EPHA6: variants seen among roughly 807,000 people sequenced by gnomAD.
EPHA6 encodes ephrin type-A receptor 6.
Under a neutral mutation model 112.0 loss-of-function variants are expected in EPHA6, and 50 were observed. That is an observed-to-expected ratio of 0.45 (90% CI 0.36 to 0.56). The LOEUF (loss-of-function observed/expected upper bound fraction) is 0.56, where lower values mean the gene tolerates loss of function less well. EPHA6 is among the 20% of genes least tolerant of loss of function. The pLI is 0.00. For missense variants in EPHA6, 1,280 were observed against 1,417.4 expected (o/e 0.90, Z 1.56); for synonymous variants, 529 against 490.7 (o/e 1.08, Z -1.03).
At chr3:96,940,945 G>A (rs1655859268) in intron 2 of EPHA6, among the ~76,000 whole-genome samples, 1 of 152,204 alleles carries the variant, frequency 6.6e-6, no homozygotes, top group Non-Finnish European at 1.5e-5. Context: ...CTTCTGGCTT[G>A]TAGAGTTTCT....
chr3:97,177,960 T>C (rs1486024064), intron 3 of EPHA6, among the ~76,000 whole-genome samples: 1 of 152,052 alleles, frequency 6.6e-6, no homozygotes, highest in African/African-American at 2.4e-5. Context: ...ATGTTATTAT[T>C]GATAAGTAAG....
At chr3:97,105,321 G>C (rs905875418) in intron 3 of EPHA6, among the ~76,000 whole-genome samples, 4 of 151,790 alleles carry the variant, frequency 2.6e-5, no homozygotes, top group African/African-American at 9.7e-5. Flanking sequence ...CACTGTCTTA[G>C]CTGTGTCACA....
intron 11 of EPHA6, among the ~76,000 whole-genome samples, chr3:97,591,877 T>C (rs1315263876): frequency 2.6e-5 from 4 of 152,184 alleles, no homozygotes. Context: ...TCTCAGTTTG[T>C]TGGTCTAAAA....
rs1339535959 is a variant in EPHA6 at position 97,695,548 on chromosome 3, CTTTA to C, written c.2785-24704_2785-24701del. ...ATAAATCTACAGTCTACAGGTGACA[CTTTA>C]TTTATTTAAGACGGAGTCTCGCTCT... On this transcript the variant is annotated intron_variant, in intron 14 of 17. Transcript: ENST00000389672. 6.6e-5 allele frequency among the ~76,000 whole-genome samples: 10 copies of C among 152,256 alleles called. No homozygotes were observed. In the South Asian group the frequency reaches 1.2e-3, roughly 19 times the overall value.
chr3:97,124,404 A>G (rs757920168), intron 3 of EPHA6, among the ~76,000 whole-genome samples: 3 of 151,912 alleles, frequency 2.0e-5, no homozygotes, highest in Admixed American at 6.6e-5. Context: ...GTTGTGATCA[A>G]TTTTGGCCAT....
At chr3:97,254,956 G>C (rs1225361297) in intron 5 of EPHA6, among the ~76,000 whole-genome samples, 1 of 152,160 alleles carries the variant, frequency 6.6e-6, no homozygotes, top group African/African-American at 2.4e-5. Context: ...GAACATTCTA[G>C]TTAGAGCATT....
At chr3:97,516,901 C>T (rs1367907140) in intron 10 of EPHA6, among the ~76,000 whole-genome samples, 1 of 151,938 alleles carries the variant, frequency 6.6e-6, no homozygotes, top group Admixed American at 6.6e-5. Flanking sequence ...GTTGTTTTCC[C>T]CCCTCATTCA....
At chr3:96,877,452 G>A (rs773365762) in intron 2 of EPHA6, among the ~76,000 whole-genome samples, 7 of 151,914 alleles carry the variant, frequency 4.6e-5, no homozygotes, top group East Asian at 3.9e-4. Context: ...ATTAATGACC[G>A]GTTTAGAACA....
chr3:97,209,502 G>A (rs1342573937), intron 3 of EPHA6, among the ~76,000 whole-genome samples: 1 of 152,076 alleles, frequency 6.6e-6, no homozygotes, highest in Non-Finnish European at 1.5e-5. Flanking sequence ...CTTTTTGTAA[G>A]ACTTAAATAG....
chr3:97,686,556 C>G (rs2032267051), intron 14 of EPHA6, among the ~76,000 whole-genome samples: 1 of 152,180 alleles, frequency 6.6e-6, no homozygotes, highest in Admixed American at 6.5e-5. Flanking sequence ...AGTGCAGGAC[C>G]AGACTGTAAT....
chr3:97,541,311 C>T (rs545229636), intron 11 of EPHA6, among the ~76,000 whole-genome samples: 64 of 152,260 alleles, frequency 4.2e-4, no homozygotes, highest in Admixed American at 9.2e-4. Context: ...AAAAATATTA[C>T]AGTTCTCATA....
At chr3:97,376,829 G>A (rs2085391344) in intron 5 of EPHA6, among the ~76,000 whole-genome samples, 1 of 152,184 alleles carries the variant, frequency 6.6e-6, no homozygotes, top group Non-Finnish European at 1.5e-5. Context: ...GTAAGTAATA[G>A]TTCATGATTT....
At chr3:97,203,586 T>C (rs1340579726) in intron 3 of EPHA6, among the ~76,000 whole-genome samples, 4 of 151,864 alleles carry the variant, frequency 2.6e-5, no homozygotes, top group Non-Finnish European at 5.9e-5. Flanking sequence ...CAGAAAAAAA[T>C]CTAATGAAAT....
chr3:97,702,442 G>A (rs1485754400), intron 14 of EPHA6, among the ~76,000 whole-genome samples: 1 of 152,136 alleles, frequency 6.6e-6, no homozygotes, highest in African/African-American at 2.4e-5. Flanking sequence ...AAATAGATGA[G>A]CACTTAGAAA....
intron 3 of EPHA6, among the ~76,000 whole-genome samples, chr3:97,204,928 A>T (rs1157247469): frequency 6.6e-6 from 1 of 152,144 alleles, no homozygotes; most frequent in East Asian, 1.9e-4. Flanking sequence ...TAAAGGGAGA[A>T]GGGGAGAAAT....
rs2043067774 is a variant in EPHA6 at position 96,987,565 on chromosome 3, C to A, written c.686C>A (p.Ser229Tyr). 6 of 1,613,802 alleles carry A rather than the reference C, an allele frequency of 3.7e-6. No homozygotes were observed. Among genetic ancestry groups the A allele is most frequent in the Non-Finnish European group, 5.1e-6 (6 of 1,179,834 alleles). Residue 229 changes from serine to tyrosine, a missense_variant, in exon 3 of 18, where the codon TCC (serine) becomes TAC (tyrosine). Coordinates refer to ENST00000389672, the MANE Select transcript of EPHA6 (RefSeq NM_001080448.3). ...FNLFYMESDESHGIKFKPNQY... is the reference protein window; with the variant it reads ...FNLFYMESDEYHGIKFKPNQY... ...CTGTTTTATATGGAATCAGATGAGT[C>A]CCACGGAATTAAATTCAAGCCAAAC... is the stretch of plus-strand genomic sequence containing the variant.
chr3:97,708,521 T>G (rs1459369357), intron 14 of EPHA6, among the ~76,000 whole-genome samples: 1 of 152,252 alleles, frequency 6.6e-6, no homozygotes, highest in African/African-American at 2.4e-5. Flanking sequence ...ATTTGAAGCC[T>G]GACCTTTTGG....
rs112932695 is a variant in EPHA6, at chr3:97,513,709, T to C, written c.2201-18649T>C. ...GGAGTGGGGTAGGGGGTGAGGTTGG[T>C]CAATGGGTACAATGTTACAGTTACA... On this transcript the variant is annotated intron_variant, in intron 10 of 17. Transcript: ENST00000389672. Among the ~76,000 whole-genome samples the C allele has an allele frequency of 4.9e-3, 749 of 152,010 alleles. 8 individuals are homozygous for C. Among genetic ancestry groups the C allele is most frequent in the African/African-American group, 0.017 (716 of 41,448 alleles).
intron 10 of EPHA6, among the ~76,000 whole-genome samples, chr3:97,520,101 G>T (rs535062385): frequency 6.6e-5 from 10 of 151,614 alleles, no homozygotes; most frequent in African/African-American, 2.4e-4. Context: ...CTGAGTAGCT[G>T]GGACTACAGG....
Sources: allele counts gnomAD v4.1 joint callset (sites outside exome capture counted in the v4.1 genomes callset), GRCh38; gene constraint gnomAD v4.1.1; transcripts MANE v1.5; gene names NCBI Gene and HGNC (gene_info 2026-07-23, HGNC 2026-07-21).